The following LPL variants were observed in gnomAD, a reference collection of about 807,000 sequenced individuals.
LPL encodes phospholipase A1.
A neutral mutation model predicts 52.2 loss-of-function variants in LPL; 43 were observed. That is an observed-to-expected ratio of 0.82 (90% CI 0.64 to 1.06). The LOEUF (loss-of-function observed/expected upper bound fraction) is 1.06, where lower values mean the gene tolerates loss of function less well. LPL is among the 50% of genes least tolerant of loss of function. LPL has a pLI of 0.00. For missense variants in LPL, 639 were observed against 585.3 expected (o/e 1.09, Z -0.95); for synonymous variants, 244 against 215.6 (o/e 1.13, Z -1.15).
chr8:19,959,229 G>GAAAC, intron 6 of LPL, 31 bp from the exon 7 acceptor site: 12 of 1,613,844 alleles, frequency 7.4e-6, no homozygotes, highest in Non-Finnish European at 1.0e-5. Flanking sequence ...CATAAAGATT[G>GAAAC]ATCAACATGT....
Position 19,950,207 on chromosome 8 carries a change from C to T in LPL, c.250-1562C>T, listed in dbSNP as rs748883781. 6.6e-6 allele frequency among the ~76,000 whole-genome samples: 1 copy of T among 152,206 alleles called. No homozygotes were observed. Among genetic ancestry groups the T allele is most frequent in the Non-Finnish European group, 1.5e-5 (1 of 68,040 alleles). On this transcript the variant is annotated intron_variant, in intron 2 of 9. Coordinates refer to ENST00000650287, the MANE Select transcript of LPL (RefSeq NM_000237.3). The surrounding 1 kb of genome is among the most constrained non-coding windows in gnomAD (Gnocchi z 4.2). ...CTCACTGGCAGGGTCAGGTGGCCCA[C>T]CTGGTATAGGCAGCAGGGAGGGCTT...
intron 9 of LPL, among the ~76,000 whole-genome samples, chr8:19,964,450 A>C (rs2070068242): frequency 6.6e-6 from 1 of 152,228 alleles, no homozygotes; most frequent in Non-Finnish European, 1.5e-5. Context: ...AGCCTAATGA[A>C]GCATTCCTTG....
rs2070089012 is a variant in LPL at position 19,966,318 on chromosome 8, T to C, written c.*1008T>C. 1 of 152,196 alleles carries C rather than the reference T, an allele frequency of 6.6e-6. No individual in the cohort carries two copies. Among genetic ancestry groups the C allele is most frequent in the Non-Finnish European group, 1.5e-5 (1 of 68,032 alleles). The allele number at this position is 152,196 out of a possible 1,614,324, so 9.4% of individuals were successfully genotyped here. Reference sequence around the variant, plus strand: ...AGGTTTGAGTTCAAATTTTGCATTGTGTGAGCTTCTACAGATTTTAGACAA... The same window carrying C: ...AGGTTTGAGTTCAAATTTTGCATTGCGTGAGCTTCTACAGATTTTAGACAA... On this transcript the variant is annotated 3_prime_UTR_variant, in exon 10 of 10. Coordinates refer to ENST00000650287, the MANE Select transcript of LPL (RefSeq NM_000237.3).
chr8:19,946,713 T>G (rs971401039), intron 1 of LPL: 1 of 157,588 alleles, frequency 6.3e-6, no homozygotes, highest in African/African-American at 2.4e-5. Context: ...GTGTTATGGG[T>G]CGTTTTCTTT....
chr8:19,960,802 A>C, intron 7 of LPL, 99 bp from the exon 8 acceptor site: 1 of 859,852 alleles, frequency 1.2e-6, no homozygotes, highest in South Asian at 1.4e-5. Context: ...AATATCCCCT[A>C]AATAATAAAG....
chr8:19,959,637 T>C (rs1387879647), intron 7 of LPL, among the ~76,000 whole-genome samples: 1 of 152,096 alleles, frequency 6.6e-6, no homozygotes, highest in African/African-American at 2.4e-5. Flanking sequence ...AAAGCTGCTG[T>C]TAAACAATAT....
chr8:19,958,692 G>A (rs867872761), intron 6 of LPL, among the ~76,000 whole-genome samples: 4 of 152,100 alleles, frequency 2.6e-5, no homozygotes, highest in South Asian at 2.1e-4. Context: ...AAAAATCAAC[G>A]AAATAAGTTC....
At chr8:19,940,388 C>T (rs2069824915) in intron 1 of LPL, among the ~76,000 whole-genome samples, 1 of 152,158 alleles carries the variant, frequency 6.6e-6, no homozygotes, top group Non-Finnish European at 1.5e-5. Context: ...CCGGCCCCGC[C>T]GCGCGGCTGC....
In LPL at chr8:19,940,125, G is replaced by A. The variant is rs1434340716; in HGVS notation, c.88+597G>A. On this transcript the variant is annotated intron_variant, in intron 1 of 9. Coordinates refer to ENST00000650287, the MANE Select transcript of LPL (RefSeq NM_000237.3). ...GCTGTGGGAGTGGCAGTGGGTGTCG[G>A]GGTGGAGAAAGTACGCGTGGCGCGG... is the stretch of plus-strand genomic sequence containing the variant. Among the ~76,000 whole-genome samples, 5 of 152,208 alleles carry A rather than the reference G, an allele frequency of 3.3e-5. No homozygotes were observed. The East Asian group carries it at 5.8e-4, about 18-fold the overall frequency.
At chr8:19,946,770 C>T (rs2069885253) in intron 1 of LPL, 1 of 156,366 alleles carries the variant, frequency 6.4e-6, no homozygotes, top group Non-Finnish European at 1.4e-5. Flanking sequence ...TTTAACATAA[C>T]TTCCCTTTGA....
Position 19,958,786 on chromosome 8 carries a change from G to A in LPL, c.1019-474G>A, listed in dbSNP as rs185055179. ...GGCATGATCCTGTGACCGGAAGCCC[G>A]CTTACAGTCAGGGTGGAGGACAGAC... On this transcript the variant is annotated intron_variant, in intron 6 of 9. Coordinates refer to ENST00000650287, the MANE Select transcript of LPL (RefSeq NM_000237.3). Among the ~76,000 whole-genome samples, 9 of 152,240 alleles carry A rather than the reference G, an allele frequency of 5.9e-5. No individual in the cohort carries two copies. In the East Asian group the frequency reaches 1.2e-3, roughly 20 times the overall value.
rs1392360803 is a variant in LPL at position 19,950,308 on chromosome 8, G to T, written c.250-1461G>T. ...GAACCTCAGAAGAAAAACTCAGATT[G>T]AAAGAACTTAGAATAAGACCCTTTT... On this transcript the variant is annotated intron_variant, in intron 2 of 9. Coordinates refer to ENST00000650287, the MANE Select transcript of LPL (RefSeq NM_000237.3). This position sits in a 1 kb window ranked among gnomAD's most constrained non-coding sequence, Gnocchi z 4.2. Among the ~76,000 whole-genome samples, 1 of 152,224 alleles carries T rather than the reference G, an allele frequency of 6.6e-6. No individual in the cohort carries two copies. Among genetic ancestry groups the T allele is most frequent in the Admixed American group, 6.5e-5 (1 of 15,280 alleles).
chr8:19,955,662 G>A (rs2069977781), intron 5 of LPL, among the ~76,000 whole-genome samples, 179 bp from the exon 6 acceptor site: 1 of 151,942 alleles, frequency 6.6e-6, no homozygotes, highest in South Asian at 2.1e-4. Context: ...TTGAAGGTGG[G>A]TGGGCCGCTA....
intron 9 of LPL, 72 bp downstream of exon 9, chr8:19,962,291 C>T (rs2070047065): frequency 1.8e-6 from 2 of 1,092,452 alleles, no homozygotes; most frequent in Non-Finnish European, 2.8e-6. Flanking sequence ...TCATGCATTC[C>T]TCTTCACCCC....
At chr8:19,943,850 T>C (rs927951293) in intron 1 of LPL, among the ~76,000 whole-genome samples, 5 of 152,180 alleles carry the variant, frequency 3.3e-5, no homozygotes, top group South Asian at 2.1e-4. Flanking sequence ...AGATGATTCA[T>C]ACAGGATTTA....
chr8:19,940,687 G>A (rs2069830309), intron 1 of LPL, among the ~76,000 whole-genome samples: 1 of 152,248 alleles, frequency 6.6e-6, no homozygotes, highest in Non-Finnish European at 1.5e-5. Context: ...CTCTCAGGCG[G>A]CACGTCCCCA....
chr8:19,963,313 GT>G (rs1450552287), intron 9 of LPL, among the ~76,000 whole-genome samples: 1 of 152,052 alleles, frequency 6.6e-6, no homozygotes, highest in Non-Finnish European at 1.5e-5. Flanking sequence ...GCACATGCCT[GT>G]AATCCCAGCT....
intron 2 of LPL, 37 bp from the exon 3 acceptor site, chr8:19,951,732 G>A (rs1162453137): frequency 1.9e-6 from 3 of 1,611,150 alleles, no homozygotes; most frequent in Non-Finnish European, 2.5e-6. Context: ...CAAGTGGTAG[G>A]TGGGTATTTT....
chr8:19,945,317 G>T (rs549923674), intron 1 of LPL, among the ~76,000 whole-genome samples: 1 of 152,118 alleles, frequency 6.6e-6, no homozygotes, highest in Admixed American at 6.6e-5. Flanking sequence ...TCCTCGGGGG[G>T]TTGCAAACAC....
Sources: allele counts gnomAD v4.1 joint callset (sites outside exome capture counted in the v4.1 genomes callset), GRCh38; gene constraint gnomAD v4.1.1; non-coding constraint Gnocchi (gnomAD v3.1); transcripts MANE v1.5; gene names NCBI Gene and HGNC (gene_info 2026-07-23, HGNC 2026-07-21).